The following RP1 variants were observed in gnomAD, a reference collection of about 807,000 sequenced individuals.
RP1 encodes the protein RP1 axonemal microtubule associated.
RP1 carries 16 observed loss-of-function variants against 14.8 expected under a neutral mutation model. That is an observed-to-expected ratio of 1.08 (90% confidence interval 0.73 to 1.65). The LOEUF (loss-of-function observed/expected upper bound fraction) is 1.65, where lower values mean the gene tolerates loss of function less well. Among genes scored for constraint, RP1 ranks in the 40% most tolerant of loss-of-function variants. The pLI is 0.00. For synonymous variants in RP1, 876 were observed against 883.6 expected (o/e 0.99, Z 0.15); for missense variants, 2,631 against 2,535.0 (o/e 1.04, Z -0.81).
chr8:54,647,512 T>C (rs932135565), intron 3 of RP1, among the ~76,000 whole-genome samples: 1 of 152,224 alleles, frequency 6.6e-6, no homozygotes, highest in Non-Finnish European at 1.5e-5. Context: ...GGTTATTTAT[T>C]TTAATGATAA....
intron 25 of RP1, among the ~76,000 whole-genome samples, chr8:54,842,541 A>G (rs749401766): frequency 8.5e-5 from 13 of 152,130 alleles, no homozygotes; most frequent in Non-Finnish European, 1.9e-4. Context: ...CATTCACTAC[A>G]CTAAATTCAT....
intron 1 of RP1, among the ~76,000 whole-genome samples, chr8:54,581,131 A>C (rs556323484): frequency 6.6e-6 from 1 of 152,046 alleles, no homozygotes; most frequent in South Asian, 2.1e-4. Flanking sequence ...CATTAGGTAT[A>C]TCTCCTAATG....
intron 15 of RP1, among the ~76,000 whole-genome samples, chr8:54,713,484 C>T (rs1052083765): frequency 1.3e-5 from 2 of 151,972 alleles, no homozygotes; most frequent in African/African-American, 4.8e-5. Flanking sequence ...ACAGACATAC[C>T]CCACACTGGC....
chr8:54,825,906 CA>C (rs60097707), intron 24 of RP1, among the ~76,000 whole-genome samples: 62 of 145,646 alleles, frequency 4.3e-4, no homozygotes, highest in Admixed American at 6.9e-4. Context: ...CCTGTCTCCA[CA>C]AAAAAAAAAA....
At chr8:54,860,430 T>C (rs867923311) in intron 27 of RP1, among the ~76,000 whole-genome samples, 10 of 151,244 alleles carry the variant, frequency 6.6e-5, no homozygotes, top group African/African-American at 2.2e-4. Context: ...TAACCACAAA[T>C]GGAATATAGA....
chr8:54,642,161 A>G (rs574757663), intron 3 of RP1, among the ~76,000 whole-genome samples: 8 of 152,332 alleles, frequency 5.3e-5, no homozygotes, highest in Admixed American at 1.3e-4. Context: ...AACTCTAAAT[A>G]TAAAATGATA....
chr8:54,586,411 G>C (rs934886853), intron 1 of RP1, among the ~76,000 whole-genome samples: 1 of 152,184 alleles, frequency 6.6e-6, no homozygotes, highest in African/African-American at 2.4e-5. Context: ...GCCCCTACTG[G>C]GGGGTGCCTC....
rs148722424 is a variant in RP1 at position 54,628,394 on chromosome 8, A to G, written c.4512A>G (p.Leu1504=). The part of the protein sequence containing the change: ...IQEEVEASKT[L]ELIDISSKNI... ...AAGAGGTAGAGGCTAGTAAAACTTT[A>G]GAATTGATAGACATCTCTAGTAAGA... The change falls in exon 4 of 4, where the codon TTA becomes TTG. Residue 1504 remains leucine, a synonymous_variant. Transcript: ENST00000220676. The G allele has an allele frequency of 2.2e-4, 362 of 1,613,600 alleles. No homozygotes were observed. In the African/African-American group the frequency reaches 4.5e-3, roughly 20 times the overall value.
chr8:54,865,725 C>A, intron 27 of RP1: 1 of 412,760 alleles, frequency 2.4e-6, no homozygotes, highest in Non-Finnish European at 4.2e-6. Flanking sequence ...ATTTTTGTAC[C>A]TTGACATGTG....
chr8:54,869,914 T>G lies in RP1; in HGVS notation c.4223T>G (p.Val1408Gly), dbSNP rs964162193. Residue 1408 changes from valine to glycine, a missense_variant, in exon 29 of 29, where the codon GTA becomes GGA. Transcript: ENST00000637698. ...CTCGCAGAAAGTAGTCCCAGTGCAG[T>G]AGGAGAGACTGGGTCTACCATCTCC... The G allele has an allele frequency of 8.9e-6, 11 of 1,231,504 alleles. No individual in the cohort carries two copies. In the African/African-American group the frequency reaches 1.4e-4, roughly 16 times the overall value. 76.3% of individuals were successfully genotyped at this position (1,231,504 alleles called of 1,614,324 possible). A position where few individuals can be genotyped will look rare whatever the true frequency, so the allele number is the denominator to read the frequency against.
At chr8:54,822,675 A>G (rs908445576) in intron 24 of RP1, among the ~76,000 whole-genome samples, 9 of 152,240 alleles carry the variant, frequency 5.9e-5, no homozygotes, top group African/African-American at 2.2e-4. Context: ...ATAGAGAACT[A>G]CGCAGAGTAA....
chr8:54,693,036 G>GTTTCA (rs1359354527), intron 12 of RP1, among the ~76,000 whole-genome samples: 138 of 152,160 alleles, frequency 9.1e-4, no homozygotes, highest in Admixed American at 2.4e-3. Flanking sequence ...TTCTACATAT[G>GTTTCA]GCCAGCCAGT....
chr8:54,628,158 A>C lies in RP1; in HGVS notation c.4276A>C (p.Arg1426=). The C allele has an allele frequency of 6.2e-7, 1 of 1,614,034 alleles. No individual in the cohort carries two copies. Among genetic ancestry groups the C allele is most frequent in the Non-Finnish European group, 8.5e-7 (1 of 1,179,932 alleles). The change falls in exon 4 of 4, where the codon AGG becomes CGG. Residue 1426 remains arginine (R), a synonymous_variant. Transcript: ENST00000220676. The part of the protein sequence containing the change: ...SLDDFENCSL[R]KFQDENAYTS... Reference sequence around the variant, plus strand: ...AGATGATTTTGAAAATTGTTCACTAAGGAAGTTTCAGGATGAAAATGCATA... The same window carrying C: ...AGATGATTTTGAAAATTGTTCACTACGGAAGTTTCAGGATGAAAATGCATA...
At chr8:54,867,928 A>G (rs907230576) in intron 28 of RP1, among the ~76,000 whole-genome samples, 1 of 152,178 alleles carries the variant, frequency 6.6e-6, no homozygotes, top group Non-Finnish European at 1.5e-5. Flanking sequence ...GTTAGTGACT[A>G]CCATATTGGC....
chr8:54,668,236 C>G (rs1253337714), intron 7 of RP1, among the ~76,000 whole-genome samples: 1 of 152,034 alleles, frequency 6.6e-6, no homozygotes, highest in Non-Finnish European at 1.5e-5. Flanking sequence ...CAATAACAGA[C>G]AAACAGAGAG....
intron 15 of RP1, among the ~76,000 whole-genome samples, chr8:54,712,439 T>C (rs1293899572): frequency 2.0e-5 from 3 of 152,206 alleles, no homozygotes; most frequent in African/African-American, 7.2e-5. Flanking sequence ...ATTGGCCCCT[T>C]GAGTGTGGCT....
chr8:54,781,055 G>A (rs1320569910), intron 23 of RP1: 1 of 984,300 alleles, frequency 1.0e-6, no homozygotes, highest in East Asian at 1.1e-4. Flanking sequence ...AACACAAAAG[G>A]AAAGTAAGCC....
At chr8:54,602,701 G>A (rs1179514448) in intron 1 of RP1, among the ~76,000 whole-genome samples, 1 of 152,118 alleles carries the variant, frequency 6.6e-6, no homozygotes, top group Non-Finnish European at 1.5e-5. Flanking sequence ...AGCACCTGTT[G>A]TTTCCTGACT....
chr8:54,793,142 A>C lies in RP1; in HGVS notation c.3615+9432A>C, dbSNP rs114482792. 3.8e-3 allele frequency among the ~76,000 whole-genome samples: 585 copies of C among 152,052 alleles called. 5 individuals are homozygous for C. Among genetic ancestry groups the C allele is most frequent in the African/African-American group, 0.013 (555 of 41,564 alleles). On this transcript the variant is annotated intron_variant, in intron 24 of 28. Transcript: ENST00000637698. ...CCTAAAAAGATTGAAACATGAAGAA[A>C]TAGAAAGCCTGAATACACCAGTAAT...
Sources: allele counts gnomAD v4.1 joint callset (sites outside exome capture counted in the v4.1 genomes callset), GRCh38; gene constraint gnomAD v4.1.1; transcripts MANE v1.5; gene names NCBI Gene and HGNC (gene_info 2026-07-23, HGNC 2026-07-21).